RHBDL3: variants seen among roughly 807,000 people sequenced by gnomAD.
The protein encoded by RHBDL3 is rhomboid-related protein 3.
In RHBDL3, 28 loss-of-function variants were observed where a neutral mutation model predicts 48.2. That is an observed-to-expected ratio of 0.58 (90% CI 0.43 to 0.80). The LOEUF (loss-of-function observed/expected upper bound fraction) is 0.80. Among genes scored for constraint, RHBDL3 ranks in the 30% least tolerant of loss-of-function variants. The pLI is 0.00. For synonymous variants in RHBDL3, 208 were observed against 232.3 expected (o/e 0.90, Z 0.95); for missense variants, 464 against 542.7 (o/e 0.85, Z 1.44).
chr17:32,316,106 A>G (rs2040966593), intron 7 of RHBDL3, 126 bp from the exon 8 acceptor site: 1 of 716,482 alleles, frequency 1.4e-6, no homozygotes, highest in Admixed American at 2.1e-5. Flanking sequence ...TTCTGCTACT[A>G]AGCCACAACC....
chr17:32,287,480 G>A (rs2040225600), intron 3 of RHBDL3, among the ~76,000 whole-genome samples: 1 of 152,200 alleles, frequency 6.6e-6, no homozygotes, highest in African/African-American at 2.4e-5. Context: ...GTTCATCTGG[G>A]ATGGCCTGCT....
At chr17:32,290,995 T>A (rs1480997319) in intron 4 of RHBDL3, among the ~76,000 whole-genome samples, 1 of 114,816 alleles carries the variant, frequency 8.7e-6, no homozygotes, top group Non-Finnish European at 1.7e-5. Context: ...AGCGAGACCC[T>A]GTCTCAAGAA....
At chr17:32,313,565 C>A (rs150932150) in intron 7 of RHBDL3, among the ~76,000 whole-genome samples, 1 of 151,836 alleles carries the variant, frequency 6.6e-6, no homozygotes, top group Non-Finnish European at 1.5e-5. Flanking sequence ...AACAATGACT[C>A]CCCACCCCCT....
chr17:32,305,420 C>A lies in RHBDL3; in HGVS notation c.861C>A (p.Ala287=), dbSNP rs2040685782. ...GAGGGGTGTATGCTCTCGTCTCTGC[C>A]CATCTGGCCAACATTGTCATGGTGA... The part of the protein sequence containing the change: ...SSGGVYALVS[A]HLANIVMNWS... The change falls in exon 7 of 9, where the codon GCC becomes GCA. Residue 287 remains alanine (A), a synonymous_variant. Transcript: ENST00000269051. The A allele has an allele frequency of 1.2e-6, 2 of 1,612,416 alleles. No homozygotes were observed. Among genetic ancestry groups the A allele is most frequent in the Non-Finnish European group, 1.7e-6 (2 of 1,178,476 alleles).
In RHBDL3 at chr17:32,266,293, CG is replaced by C; in HGVS notation, c.106del (p.Glu36ArgfsTer63). 1 of 1,462,018 alleles carries C rather than the reference CG, an allele frequency of 6.8e-7. No homozygotes were observed. The highest frequency in any genetic ancestry group is 9.0e-7 in the Non-Finnish European group (1 of 1,111,806). 90.6% of individuals were successfully genotyped at this position (1,462,018 alleles called of 1,614,324 possible). On this transcript the variant is annotated frameshift_variant, in exon 1 of 9. Coordinates refer to ENST00000269051, the MANE Select transcript of RHBDL3 (RefSeq NM_138328.3). LOFTEE classifies it high-confidence loss of function. Reference protein sequence around the residue: ...PEAEERLPAAPEDHWKVLFDQ... With the variant: ...PEAEERLPAAXEDHWKVLFDQ... The stretch of plus-strand genomic sequence containing the variant: ...GCCGAGGAGCGGCTGCCCGCGGCGC[CG>C]GAGGACGTGAGTGCCCCCTCCCCGC...
chr17:32,309,039 C>G (rs1361654942), intron 7 of RHBDL3, among the ~76,000 whole-genome samples: 9 of 119,938 alleles, frequency 7.5e-5, no homozygotes, highest in Non-Finnish European at 1.5e-4. Context: ...GCACTCTAGC[C>G]TGGGTGACAG....
At chr17:32,298,248 G>A (rs2040501684) in intron 6 of RHBDL3, 44 bp downstream of exon 6, 3 of 1,354,426 alleles carry the variant, frequency 2.2e-6, no homozygotes, top group Non-Finnish European at 3.2e-6. Context: ...ACTGCCCCAG[G>A]GTGGGGTGGG....
chr17:32,314,577 G>C (rs1007590932), intron 7 of RHBDL3, among the ~76,000 whole-genome samples: 13 of 152,130 alleles, frequency 8.5e-5, no homozygotes, highest in Non-Finnish European at 1.9e-4. Flanking sequence ...CGTTAGGGGT[G>C]AGAGCCCTTC....
chr17:32,305,238 C>A, intron 6 of RHBDL3, 103 bp from the exon 7 acceptor site: 1 of 781,860 alleles, frequency 1.3e-6, no homozygotes, highest in Non-Finnish European at 2.3e-6. Context: ...GAGCGTCTTG[C>A]TCTGGAGTCT....
intron 2 of RHBDL3, 31 bp from the exon 3 acceptor site, chr17:32,284,628 C>T: frequency 6.2e-7 from 1 of 1,609,028 alleles, no homozygotes; most frequent in Non-Finnish European, 8.5e-7. Flanking sequence ...TGGTGCCCTG[C>T]TGACCCTGCT....
chr17:32,297,978 G>T, intron 5 of RHBDL3, 114 bp from the exon 6 acceptor site: 1 of 734,268 alleles, frequency 1.4e-6, no homozygotes, highest in South Asian at 1.7e-5. Flanking sequence ...AGGCAGAGGT[G>T]GTCTTGTTCA....
intron 5 of RHBDL3, among the ~76,000 whole-genome samples, chr17:32,297,223 T>C (rs1375654749): frequency 1.3e-5 from 2 of 151,510 alleles, no homozygotes; most frequent in Admixed American, 6.6e-5. Flanking sequence ...ATCCCAAAAC[T>C]TTGGGAGGCC....
At chr17:32,266,789 C>A (rs1005698533) in intron 1 of RHBDL3, among the ~76,000 whole-genome samples, 1 of 152,206 alleles carries the variant, frequency 6.6e-6, no homozygotes, top group Non-Finnish European at 1.5e-5. Context: ...CTTGCCGCGA[C>A]ACTGATTGAA....
At chr17:32,286,067 G>A (rs2040192424) in intron 3 of RHBDL3, among the ~76,000 whole-genome samples, 1 of 152,148 alleles carries the variant, frequency 6.6e-6, no homozygotes, top group Admixed American at 6.5e-5. Context: ...GCAGGGGAGG[G>A]GGACAGTGAG....
At position 32,266,175 on chromosome 17, in the gene RHBDL3, G is replaced by A; in HGVS notation, c.-15G>A. The A allele has an allele frequency of 8.8e-7, 1 of 1,138,934 alleles. No individual in the cohort carries two copies. The highest frequency in any genetic ancestry group is 1.1e-6 in the Non-Finnish European group (1 of 913,330). 70.6% of individuals were successfully genotyped at this position (1,138,934 alleles called of 1,614,324 possible). On this transcript the variant is annotated 5_prime_UTR_variant, in exon 1 of 9. Transcript: ENST00000269051. Reference sequence around the variant, plus strand: ...AGCCCCGCAGCCGCCGCCGCCCCCGGACCCCGTCTCGGCCATGGGCGAGCA... The same window carrying A: ...AGCCCCGCAGCCGCCGCCGCCCCCGAACCCCGTCTCGGCCATGGGCGAGCA...
intron 5 of RHBDL3, among the ~76,000 whole-genome samples, chr17:32,297,523 G>A (rs954514799): frequency 6.6e-6 from 1 of 152,070 alleles, no homozygotes; most frequent in African/African-American, 2.4e-5. Flanking sequence ...ATGACCACAT[G>A]GCCCAGTGAA....
In RHBDL3 at chr17:32,284,779, G is replaced by A. The variant is rs377365426; in HGVS notation, c.256G>A (p.Ala86Thr). The A allele has an allele frequency of 9.2e-5, 149 of 1,613,912 alleles. No homozygotes were observed. Among genetic ancestry groups the A allele is most frequent in the East Asian group, 2.4e-4 (11 of 44,900 alleles). The part of the protein sequence containing the change: ...EVLLALADSH[A>T]DGQIGYQDFV... The stretch of plus-strand genomic sequence containing the variant: ...CCTCCTGGCTCTTGCCGACAGCCAC[G>A]CGGATGGGCAGATCGGCTACCAGGA... Residue 86 changes from alanine (A) to threonine (T), a missense_variant, in exon 3 of 9, where the codon GCG becomes ACG. Physicochemically the swap from Ala to Thr is moderately conservative, Grantham distance 58. Transcript: ENST00000269051.
chr17:32,283,795 C>T (rs973424005), intron 2 of RHBDL3, among the ~76,000 whole-genome samples: 1 of 152,178 alleles, frequency 6.6e-6, no homozygotes, highest in Admixed American at 6.5e-5. Context: ...CGCGAGGCGC[C>T]GCGGTCCAAG....
chr17:32,299,968 C>T (rs985618663), intron 6 of RHBDL3, among the ~76,000 whole-genome samples: 3 of 152,228 alleles, frequency 2.0e-5, no homozygotes, highest in African/African-American at 7.2e-5. Flanking sequence ...AGCCGGTTTA[C>T]AGCCAGCCAG....
Sources: gnomAD v4.1 joint callset for allele counts (sites outside exome capture counted in the v4.1 genomes callset) on GRCh38, gnomAD v4.1.1 for gene constraint, MANE v1.5 for transcripts, NCBI Gene and HGNC (gene_info 2026-07-23, HGNC 2026-07-21) for gene names.